PRKCB: variants seen among roughly 807,000 people sequenced by gnomAD.
PRKCB encodes protein kinase C beta.
PRKCB carries 13 observed loss-of-function variants against 81.5 expected under a neutral mutation model. The ratio of observed to expected loss-of-function variants is 0.16; its 90% CI spans 0.10 to 0.25. The LOEUF is 0.25. Among genes scored for constraint, PRKCB ranks in the 10% least tolerant of loss-of-function variants. PRKCB has a pLI of 1.00. For synonymous variants in PRKCB, 335 were observed against 321.4 expected, an observed-to-expected ratio of 1.04 and a Z score of -0.45; for missense variants, 509 against 875.7, an observed-to-expected ratio of 0.58 and a Z score of 5.29.
At chr16:23,915,503 A>T (rs1234412753) in intron 2 of PRKCB, among the ~76,000 whole-genome samples, 1 of 152,088 alleles carries the variant, frequency 6.6e-6, no homozygotes, top group East Asian at 1.9e-4. Context: ...CTGACAACAC[A>T]GTGGGACCCC....
intron 2 of PRKCB, among the ~76,000 whole-genome samples, chr16:23,861,663 G>A (rs1392451426): frequency 1.3e-5 from 2 of 152,178 alleles, no homozygotes; most frequent in African/African-American, 4.8e-5. Flanking sequence ...CATACTCACA[G>A]GGCAAAGCAG....
chr16:23,975,277 A>T (rs1490969363), intron 2 of PRKCB, among the ~76,000 whole-genome samples: 3 of 151,916 alleles, frequency 2.0e-5, no homozygotes, highest in Non-Finnish European at 4.4e-5. Context: ...ATTGACACGC[A>T]TTTGTCTCTG....
Position 23,989,966 on chromosome 16 carries a change from G to A in PRKCB, c.288+1376G>A, listed in dbSNP as rs149201012. 2.4e-3 allele frequency among the ~76,000 whole-genome samples: 366 copies of A among 152,246 alleles called. 1 individual carries two copies. The highest frequency in any genetic ancestry group is 8.6e-3 in the African/African-American group (359 of 41,544). The stretch of plus-strand genomic sequence containing the variant: ...ATAAGAGAGAGACATCCCTTCCCTT[G>A]TCCTCTTGGGCATTTTTGTACAAGG... On this transcript the variant is annotated intron_variant, in intron 3 of 16. Coordinates refer to ENST00000643927, the MANE Select transcript of PRKCB (RefSeq NM_002738.7).
Position 24,044,192 on chromosome 16 carries a change from T to C in PRKCB, c.529+8645T>C, listed in dbSNP as rs147060906. On this transcript the variant is annotated intron_variant, in intron 5 of 16. Coordinates refer to ENST00000643927, the MANE Select transcript of PRKCB (RefSeq NM_002738.7). ...CAACATGGTGAAACCCCGTCTCTACTAAAAAAAATCCAAAAAATTAGCTGG... is the reference window on the plus strand; with the variant it reads ...CAACATGGTGAAACCCCGTCTCTACCAAAAAAAATCCAAAAAATTAGCTGG... Among the ~76,000 whole-genome samples, 25 of 151,902 alleles carry C rather than the reference T, an allele frequency of 1.6e-4. No individual in the cohort carries two copies. The East Asian group carries it at 4.8e-3, about 29-fold the overall frequency.
chr16:24,210,888 T>C (rs73550428), intron 16 of PRKCB, among the ~76,000 whole-genome samples: 1,533 of 152,370 alleles, frequency 0.01, 28 homozygotes, highest in African/African-American at 0.035. Context: ...TTGTTGCTTC[T>C]CTTCCCCAGT....
intron 10 of PRKCB, among the ~76,000 whole-genome samples, chr16:24,164,605 C>T (rs1348705258): frequency 2.0e-5 from 3 of 152,102 alleles, no homozygotes; most frequent in Non-Finnish European, 2.9e-5. Flanking sequence ...CACGTAGAAA[C>T]GTCCTGTAGC....
At chr16:24,099,986 A>G (rs1337767227) in intron 7 of PRKCB, 1 of 152,292 alleles carries the variant, frequency 6.6e-6, no homozygotes, top group African/African-American at 2.4e-5. Context: ...AAAAAAAAAA[A>G]AAAAGAGTGT....
At chr16:24,130,338 C>T (rs905885603) in intron 9 of PRKCB, among the ~76,000 whole-genome samples, 8 of 152,114 alleles carry the variant, frequency 5.3e-5, no homozygotes, top group Non-Finnish European at 1.0e-4. Flanking sequence ...GGGATTTGCC[C>T]TGGTTGAAGC....
At chr16:23,888,513 G>T (rs1461299792) in intron 2 of PRKCB, among the ~76,000 whole-genome samples, 2 of 152,182 alleles carry the variant, frequency 1.3e-5, no homozygotes, top group South Asian at 4.1e-4. Context: ...AATGCTGTTG[G>T]CAAGCAAAAG....
intron 3 of PRKCB, among the ~76,000 whole-genome samples, chr16:24,008,646 T>A (rs1449824416): frequency 2.0e-5 from 3 of 152,136 alleles, no homozygotes; most frequent in Non-Finnish European, 4.4e-5. Context: ...AGACCAGCAA[T>A]CCTTTGGCTG....
At chr16:23,912,845 T>A (rs185032625) in intron 2 of PRKCB, among the ~76,000 whole-genome samples, 83 of 147,144 alleles carry the variant, frequency 5.6e-4, no homozygotes, top group African/African-American at 2.0e-3. Context: ...TATTTTTTGA[T>A]ATGGAGTCAT....
At chr16:24,074,633 G>A (rs1051254081) in intron 5 of PRKCB, among the ~76,000 whole-genome samples, 1 of 152,232 alleles carries the variant, frequency 6.6e-6, no homozygotes, top group African/African-American at 2.4e-5. Context: ...GTAGGCAACA[G>A]TGAGTCAGTG....
At chr16:24,039,871 T>G (rs1965677910) in intron 5 of PRKCB, among the ~76,000 whole-genome samples, 1 of 152,184 alleles carries the variant, frequency 6.6e-6, no homozygotes, top group Admixed American at 6.5e-5. Flanking sequence ...CCCTCCTCCT[T>G]GGTCTTGGCA....
chr16:23,858,554 T>C (rs1467138853), intron 2 of PRKCB, among the ~76,000 whole-genome samples: 13 of 133,452 alleles, frequency 9.7e-5, no homozygotes, highest in East Asian at 6.6e-4. Flanking sequence ...TTTTTTTTTT[T>C]CCCAGTGGGG....
intron 2 of PRKCB, among the ~76,000 whole-genome samples, chr16:23,862,085 T>A (rs1225371115): frequency 6.6e-6 from 1 of 152,180 alleles, no homozygotes; most frequent in East Asian, 1.9e-4. Context: ...GTTTTTTGTA[T>A]GTCGGGTAAT....
intron 2 of PRKCB, among the ~76,000 whole-genome samples, chr16:23,952,896 G>T (rs1460599588): frequency 6.6e-6 from 1 of 152,132 alleles, no homozygotes; most frequent in African/African-American, 2.4e-5. Context: ...ATACCATGCC[G>T]CCTGAATTGG....
At chr16:23,994,113 A>G (rs1477219982) in intron 3 of PRKCB, among the ~76,000 whole-genome samples, 1 of 152,226 alleles carries the variant, frequency 6.6e-6, no homozygotes, top group African/African-American at 2.4e-5. Flanking sequence ...GCTTTTTATC[A>G]GGATAACTGT....
At chr16:23,886,647 A>G (rs1447386691) in intron 2 of PRKCB, among the ~76,000 whole-genome samples, 1 of 152,012 alleles carries the variant, frequency 6.6e-6, no homozygotes, top group Non-Finnish European at 1.5e-5. Context: ...TCCTGACCTC[A>G]AGTGATCGGC....
intron 2 of PRKCB, among the ~76,000 whole-genome samples, chr16:23,929,060 G>A (rs934910703): frequency 1.3e-5 from 2 of 152,054 alleles, no homozygotes; most frequent in Non-Finnish European, 2.9e-5. Context: ...TAAAGCTGGA[G>A]TTTTGTAATG....
Sources: allele counts gnomAD v4.1 joint callset (sites outside exome capture counted in the v4.1 genomes callset), GRCh38; gene constraint gnomAD v4.1.1; transcripts MANE v1.5; gene names NCBI Gene and HGNC (gene_info 2026-07-23, HGNC 2026-07-21).